The following SOD2 variants were observed in gnomAD, a reference collection of about 807,000 sequenced individuals.
The protein encoded by SOD2 is superoxide dismutase [Mn], mitochondrial.
A neutral mutation model predicts 27.0 loss-of-function variants in SOD2; 11 were observed. That is an observed-to-expected ratio of 0.41 (90% CI 0.26 to 0.67). The LOEUF (loss-of-function observed/expected upper bound fraction) is 0.67, where lower values mean the gene tolerates loss of function less well. SOD2 is among the 30% of genes least tolerant of loss of function. The pLI is 0.34. For synonymous variants in SOD2, 105 were observed against 103.0 expected (o/e 1.02, Z -0.12); for missense variants, 250 against 274.5 (o/e 0.91, Z 0.63).
chr6:159,727,429 T>C (rs1778251517), upstream of SOD2: 6 of 1,126,150 alleles, frequency 5.3e-6, no homozygotes, highest in South Asian at 8.2e-5. Flanking sequence ...TGCGGCGCGT[T>C]CGGACCGGCT....
At position 159,742,701 on chromosome 6, in the gene SOD2, G is replaced by T. The variant is rs548346009; in HGVS notation, c.-116+2429C>A. On this transcript the variant is annotated intron_variant, in intron 1 of 3. Transcript: ENST00000537657. ...ATATATTGTTTTGTAACTTCAGAAG[G>T]GTTAATACCCTGAAATTCTAATTTT... is the stretch of plus-strand genomic sequence containing the variant. Among the ~76,000 whole-genome samples the T allele has an allele frequency of 2.0e-5, 3 of 152,152 alleles. No individual in the cohort carries two copies. In the East Asian group the frequency reaches 5.8e-4, roughly 29 times the overall value.
At chr6:159,704,703 G>A (rs753177188) in intron 1 of SOD2, among the ~76,000 whole-genome samples, 1 of 152,190 alleles carries the variant, frequency 6.6e-6, no homozygotes. Context: ...CTGGGGGCAG[G>A]GCATAGCTGA....
At chr6:159,683,767 C>T (rs182894933) in intron 4 of SOD2, among the ~76,000 whole-genome samples, 66 of 152,236 alleles carry the variant, frequency 4.3e-4, no homozygotes, top group East Asian at 1.5e-3. Context: ...CTCTACAGAT[C>T]GGTGCTTACA....
intron 4 of SOD2, among the ~76,000 whole-genome samples, chr6:159,684,303 T>C (rs1042569155): frequency 1.3e-5 from 2 of 152,124 alleles, no homozygotes; most frequent in Admixed American, 1.3e-4. Context: ...TAATTCTCTG[T>C]AGAATGAAGC....
rs1779740941 is a variant in SOD2, at chr6:159,674,840, AG to A, written c.*7652del. On this transcript the variant is annotated 3_prime_UTR_variant, in exon 5 of 5. Transcript: ENST00000538183. Reference sequence around the variant, plus strand: ...TTGCAGATGACATGATTTTATATTTAGAAAACCCCATCATCTCAGCCCAAAA... The same window carrying A: ...TTGCAGATGACATGATTTTATATTTAAAAACCCCATCATCTCAGCCCAAAA... 1 of 152,256 alleles carries A rather than the reference AG, an allele frequency of 6.6e-6. No individual in the cohort carries two copies. The allele number at this position is 152,256 out of a possible 1,614,324, so 9.4% of individuals were successfully genotyped here. A position where few individuals can be genotyped will look rare whatever the true frequency, so the allele number is the denominator to read the frequency against.
intron 1 of SOD2, among the ~76,000 whole-genome samples, chr6:159,743,398 A>G (rs1313520019): frequency 6.6e-6 from 1 of 152,226 alleles, no homozygotes; most frequent in East Asian, 1.9e-4. Context: ...TTTTGTGAAT[A>G]CTGTATAACA....
At chr6:159,721,670 C>T (rs1778042735) in intron 1 of SOD2, among the ~76,000 whole-genome samples, 2 of 136,542 alleles carry the variant, frequency 1.5e-5, no homozygotes, top group African/African-American at 5.4e-5. Context: ...GCCACTGCGG[C>T]TGACCTTTTT....
At chr6:159,750,799 C>T (rs1271339806) in intron 1 of SOD2, among the ~76,000 whole-genome samples, 8 of 152,124 alleles carry the variant, frequency 5.3e-5, no homozygotes, top group African/African-American at 1.4e-4. Context: ...ATATCAGGTA[C>T]TATAAATACA....
At chr6:159,722,131 G>A (rs559189879) in intron 1 of SOD2, among the ~76,000 whole-genome samples, 77 of 151,708 alleles carry the variant, frequency 5.1e-4, no homozygotes, top group African/African-American at 1.7e-3. Context: ...TACTCCCAGC[G>A]CTTTGGGAGG....
At chr6:159,711,522 C>A (rs1583037679) in intron 1 of SOD2, among the ~76,000 whole-genome samples, 1 of 121,530 alleles carries the variant, frequency 8.2e-6, no homozygotes, top group African/African-American at 2.9e-5. Context: ...TAACCACCTC[C>A]ATAACCACCA....
intron 1 of SOD2, among the ~76,000 whole-genome samples, chr6:159,702,202 C>T (rs1329159994): frequency 6.6e-6 from 1 of 152,186 alleles, no homozygotes; most frequent in Non-Finnish European, 1.5e-5. Flanking sequence ...CACCTGTAAT[C>T]CCGGTGCTTT....
At chr6:159,740,278 G>C (rs1284050126) in intron 1 of SOD2, among the ~76,000 whole-genome samples, 1 of 152,068 alleles carries the variant, frequency 6.6e-6, no homozygotes, top group East Asian at 1.9e-4. Flanking sequence ...TCTTAATAAA[G>C]AATCATAGAA....
chr6:159,761,490 T>G, exon 1 of SOD2: 1 of 454,528 alleles, frequency 2.2e-6, no homozygotes. Context: ...AGCAAGCCCC[T>G]CACGCGAGCG....
chr6:159,708,788 C>T (rs1777674865), intron 1 of SOD2, among the ~76,000 whole-genome samples: 1 of 152,140 alleles, frequency 6.6e-6, no homozygotes, highest in African/African-American at 2.4e-5. Context: ...TCACATGGAA[C>T]CAAAAAAGAG....
intron 1 of SOD2, chr6:159,727,073 C>A: frequency 8.3e-7 from 1 of 1,207,036 alleles, no homozygotes; most frequent in Admixed American, 3.2e-5. Context: ...CCGTGATGCC[C>A]TGGGGCTGAC....
chr6:159,720,773 T>C (rs1031853652), intron 1 of SOD2, among the ~76,000 whole-genome samples: 1 of 151,846 alleles, frequency 6.6e-6, no homozygotes, highest in Non-Finnish European at 1.5e-5. Context: ...CCACTATTAC[T>C]GATACTAAAT....
At chr6:159,729,448 C>T (rs970979332), upstream of SOD2, among the ~76,000 whole-genome samples, 2 of 152,098 alleles carry the variant, frequency 1.3e-5, no homozygotes, top group Non-Finnish European at 2.9e-5. Context: ...CAAGATGTTC[C>T]ATCTGACTAA....
At chr6:159,705,007 G>A (rs1024062713) in intron 1 of SOD2, among the ~76,000 whole-genome samples, 3 of 152,306 alleles carry the variant, frequency 2.0e-5, no homozygotes, top group African/African-American at 7.2e-5. Context: ...TGATTCCCAG[G>A]CAAACAGGGT....
chr6:159,760,795 T>C (rs1027845076), intron 1 of SOD2: 4 of 151,724 alleles, frequency 2.6e-5, no homozygotes, highest in African/African-American at 9.7e-5. Flanking sequence ...AAGGGGAAAA[T>C]GGGATAGAAT....
Sources: gnomAD v4.1 joint callset for allele counts (sites outside exome capture counted in the v4.1 genomes callset) on GRCh38, gnomAD v4.1.1 for gene constraint, MANE v1.5 for transcripts, NCBI Gene and HGNC (gene_info 2026-07-23, HGNC 2026-07-21) for gene names.